CPXM1: variants seen among roughly 807,000 people sequenced by gnomAD.
The protein encoded by CPXM1 is probable carboxypeptidase X1.
Under a neutral mutation model 80.4 loss-of-function variants are expected in CPXM1, and 72 were observed. The ratio of observed to expected loss-of-function variants is 0.90; its 90% CI spans 0.74 to 1.09. CPXM1 has a LOEUF of 1.09. Among genes scored for constraint, CPXM1 ranks in the 50% least tolerant of loss-of-function variants. The pLI, the probability that CPXM1 is intolerant of heterozygous loss-of-function variation, is 0.00. For missense variants in CPXM1, 892 were observed against 999.4 expected, an observed-to-expected ratio of 0.89 and a Z score of 1.45; for synonymous variants, 403 against 405.6, an observed-to-expected ratio of 0.99 and a Z score of 0.08.
rs758834400 is a variant in CPXM1, at chr20:2,796,287, G to A, written c.1202C>T (p.Pro401Leu). ...LLSEMRIHLLPSMNPDGYEIA... is the reference protein window; with the variant it reads ...LLSEMRIHLLLSMNPDGYEIA... ...CTCATAGCCATCAGGGTTCATGGAG[G>A]GCAGCAGGTGAATGCGCATCTCAGA... Residue 401 changes from proline to leucine, a missense_variant, in exon 9 of 14, where the codon CCC (proline) becomes CTC (leucine). Around this residue, in one of 2 missense-constraint regions of CPXM1, gnomAD observed 874 missense variants for 958.4 expected, o/e 0.91. Transcript: ENST00000380605. This position sits in a 1 kb window ranked among gnomAD's most constrained non-coding sequence, Gnocchi z 6.8. The A allele has an allele frequency of 8.7e-6, 14 of 1,613,732 alleles. No homozygotes were observed. The Admixed American group carries it at 1.7e-4, about 19-fold the overall frequency.
chr20:2,796,754 A>G lies in CPXM1; in HGVS notation c.922-104T>C. 1 of 1,473,472 alleles carries G rather than the reference A, an allele frequency of 6.8e-7. No homozygotes were observed. Among genetic ancestry groups the G allele is most frequent in the Non-Finnish European group, 9.2e-7 (1 of 1,084,616 alleles). The allele number at this position is 1,473,472 out of a possible 1,614,324, so 91.3% of individuals were successfully genotyped here. A position where few individuals can be genotyped will look rare whatever the true frequency, so the allele number is the denominator to read the frequency against. Reference sequence around the variant, plus strand: ...TTAAAAAGTCAGCGATGGCCCACACAGAGGGGGCATCCCATCATGGTACAG... The same window carrying G: ...TTAAAAAGTCAGCGATGGCCCACACGGAGGGGGCATCCCATCATGGTACAG... On this transcript the variant is annotated intron_variant, in intron 7 of 13. Transcript: ENST00000380605. The surrounding 1 kb of genome is among the most constrained non-coding windows in gnomAD (Gnocchi z 6.8).
rs957254886 is a variant in CPXM1 at position 2,794,758 on chromosome 20, T to C, written c.1861-119A>G. ...CAAAGTGGTAGGTCTACTGTGTTCCTAGGTGACACTACTTCTGGAAGAAAA... is the reference window on the plus strand; with the variant it reads ...CAAAGTGGTAGGTCTACTGTGTTCCCAGGTGACACTACTTCTGGAAGAAAA... On this transcript the variant is annotated intron_variant, in intron 12 of 13. Coordinates refer to ENST00000380605, the MANE Select transcript of CPXM1 (RefSeq NM_019609.5). This position sits in a 1 kb window ranked among gnomAD's most constrained non-coding sequence, Gnocchi z 5.2. 1.3e-5 allele frequency: 9 copies of C among 677,514 alleles called. No individual in the cohort carries two copies. In the Admixed American group the frequency reaches 1.9e-4, roughly 14 times the overall value. The allele number at this position is 677,514 out of a possible 1,614,324, so 42.0% of individuals were successfully genotyped here. A position where few individuals can be genotyped will look rare whatever the true frequency, so the allele number is the denominator to read the frequency against.
Position 2,800,464 on chromosome 20 carries a change from C to T in CPXM1, c.109G>A (p.Val37Ile), listed in dbSNP as rs746644378. The part of the protein sequence containing the change: ...LGLAQPGTTK[V>I]PGSTPALHSS... ...TGCAGGGCCGGGGTCGAGCCTGGGA[C>T]CTTGGTGGTCCCGGGCTGCGCGAGG... Residue 37 changes from valine to isoleucine, a missense_variant, in exon 1 of 14, where the codon GTC becomes ATC. This residue lies in a region of CPXM1 where 874 missense variants were observed against 958.4 expected (regional missense o/e 0.91). Transcript: ENST00000380605. The T allele has an allele frequency of 5.4e-6, 8 of 1,473,846 alleles. No individual in the cohort carries two copies. In the South Asian group the frequency reaches 9.1e-5, roughly 17 times the overall value. The allele number at this position is 1,473,846 out of a possible 1,614,324, so 91.3% of individuals were successfully genotyped here. A position where few individuals can be genotyped will look rare whatever the true frequency, so the allele number is the denominator to read the frequency against.
At chr20:2,799,811 C>G (rs950431929) in intron 1 of CPXM1, among the ~76,000 whole-genome samples, 3 of 152,220 alleles carry the variant, frequency 2.0e-5, no homozygotes, top group Non-Finnish European at 4.4e-5. Flanking sequence ...GGGGCTCTCC[C>G]TTCTTTCCTT....
rs1344278088 is a variant in CPXM1 at position 2,795,053 on chromosome 20, C to A, written c.1860+224G>T. ...GCGCCACGGACCACCACCTAGACTG[C>A]AATGGAGGCTCCTCCCACCGGCTCT... On this transcript the variant is annotated intron_variant, in intron 12 of 13. Transcript: ENST00000380605. The surrounding 1 kb of genome is among the most constrained non-coding windows in gnomAD (Gnocchi z 5.4). Among the ~76,000 whole-genome samples the A allele has an allele frequency of 1.3e-5, 2 of 152,104 alleles. No individual in the cohort carries two copies. The highest frequency in any genetic ancestry group is 2.9e-5 in the Non-Finnish European group (2 of 68,018).
At position 2,795,391 on chromosome 20, in the gene CPXM1, G is replaced by A; in HGVS notation, c.1746C>T (p.His582=). ...CCACAGTGACCTCAAAGCAGTTGGT[G>A]TGTAGGTAGCTGAAGTCATTCATGC... is the stretch of plus-strand genomic sequence containing the variant. ...PGSMNDFSYL[H]TNCFEVTVEL... Residue 582 remains histidine, a synonymous_variant, in exon 12 of 14, where the codon CAC becomes CAT. Transcript: ENST00000380605. This position sits in a 1 kb window ranked among gnomAD's most constrained non-coding sequence, Gnocchi z 5.4. 1 of 1,614,178 alleles carries A rather than the reference G, an allele frequency of 6.2e-7. No individual in the cohort carries two copies. Among genetic ancestry groups the A allele is most frequent in the East Asian group, 2.2e-5 (1 of 44,886 alleles).
Position 2,800,577 on chromosome 20 carries a change from G to T in CPXM1, c.-5C>A. 1 of 1,335,676 alleles carries T rather than the reference G, an allele frequency of 7.5e-7. No homozygotes were observed. The highest frequency in any genetic ancestry group is 1.9e-5 in the South Asian group (1 of 52,548). The allele number at this position is 1,335,676 out of a possible 1,614,324, so 82.7% of individuals were successfully genotyped here. On this transcript the variant is annotated 5_prime_UTR_variant, in exon 1 of 14. Transcript: ENST00000380605. ...GGCGAGCAGGAGCCCCCACATGGCG[G>T]GGATTGAGTGCCAGGGGCGCGCGGG... is the stretch of plus-strand genomic sequence containing the variant.
rs921680515 is a variant in CPXM1 at position 2,800,559 on chromosome 20, A to G, written c.14T>C (p.Leu5Pro). MWGL[L>P]LALAAFAPAV... Reference sequence around the variant, plus strand: ...CGGCGCGAAGGCGGCCAGGGCGAGCAGGAGCCCCCACATGGCGGGGATTGA... The same window carrying G: ...CGGCGCGAAGGCGGCCAGGGCGAGCGGGAGCCCCCACATGGCGGGGATTGA... Residue 5 changes from leucine to proline, a missense_variant, in exon 1 of 14, where the codon CTG (leucine) becomes CCG (proline). Coordinates refer to ENST00000380605, the MANE Select transcript of CPXM1 (RefSeq NM_019609.5). 4 of 1,343,204 alleles carry G rather than the reference A, an allele frequency of 3.0e-6. No homozygotes were observed. The African/African-American group carries it at 6.2e-5, about 21-fold the overall frequency. 83.2% of individuals were successfully genotyped at this position (1,343,204 alleles called of 1,614,324 possible).
intron 1 of CPXM1, among the ~76,000 whole-genome samples, chr20:2,800,139 GCGCA>G (rs1471073088): frequency 2.4e-5 from 3 of 126,394 alleles, no homozygotes; most frequent in Non-Finnish European, 3.6e-5. Flanking sequence ...CTGTGTGTGC[GCGCA>G]CGCGCGTGTG....
chr20:2,797,899 C>T, intron 5 of CPXM1, 69 bp downstream of exon 5: 2 of 1,405,502 alleles, frequency 1.4e-6, no homozygotes, highest in Non-Finnish European at 1.0e-6. Context: ...CTCAGAGGAG[C>T]CTCAGCCTAG....
chr20:2,798,997 AC>A (rs2088540632), intron 1 of CPXM1, 104 bp from the exon 2 acceptor site: 2 of 1,188,144 alleles, frequency 1.7e-6, no homozygotes, highest in African/African-American at 1.5e-5. Flanking sequence ...AGCAGGCCAC[AC>A]CACCAGGATC....
At position 2,798,135 on chromosome 20, in the gene CPXM1, G is replaced by C. The variant is rs199973883; in HGVS notation, c.590+17C>G. On this transcript the variant is annotated intron_variant, in intron 4 of 13. Coordinates refer to ENST00000380605, the MANE Select transcript of CPXM1 (RefSeq NM_019609.5). The stretch of plus-strand genomic sequence containing the variant: ...AGTCCTTCTGTGACCTCCTGACCTA[G>C]GGTTAGTCTGCCTCACCTCCAGACA... 7.4e-6 allele frequency: 12 copies of C among 1,613,820 alleles called. No individual in the cohort carries two copies. The highest frequency in any genetic ancestry group is 1.0e-5 in the Non-Finnish European group (12 of 1,179,872).
intron 1 of CPXM1, among the ~76,000 whole-genome samples, chr20:2,799,890 T>C (rs927431586): frequency 2.4e-4 from 36 of 152,212 alleles, no homozygotes; most frequent in African/African-American, 6.0e-4. Context: ...CCTTGAGAGC[T>C]TCTGCCCCTC....
At position 2,795,692 on chromosome 20, in the gene CPXM1, T is replaced by C. The variant is rs778615093; in HGVS notation, c.1627A>G (p.Met543Val). The C allele has an allele frequency of 1.2e-5, 19 of 1,613,912 alleles. No homozygotes were observed. The highest frequency in any genetic ancestry group is 1.5e-5 in the Non-Finnish European group (18 of 1,180,024). Reference sequence around the variant, plus strand: ...CAGGGTCGGCGGCTGGTGTCCTGCATGGCCAGATTACTGCCAGCATAGACA... The same window carrying C: ...CAGGGTCGGCGGCTGGTGTCCTGCACGGCCAGATTACTGCCAGCATAGACA... ...STVYAGSNLA[M>V]QDTSRRPCHS... The change falls in exon 11 of 14, where the codon ATG becomes GTG. Residue 543 changes from methionine to valine, a missense_variant. By Grantham distance (21) the Met-to-Val change is conservative. This residue lies in a region of CPXM1 where 874 missense variants were observed against 958.4 expected (regional missense o/e 0.91). Transcript: ENST00000380605. This position sits in a 1 kb window ranked among gnomAD's most constrained non-coding sequence, Gnocchi z 5.4.
intron 1 of CPXM1, among the ~76,000 whole-genome samples, chr20:2,799,763 T>C (rs1218305886): frequency 6.6e-6 from 1 of 152,202 alleles, no homozygotes; most frequent in Non-Finnish European, 1.5e-5. Flanking sequence ...GCTGCCTTCC[T>C]CTCCCGCTCT....
In CPXM1 at chr20:2,795,750, T is replaced by G; in HGVS notation, c.1569A>C (p.Thr523=). The part of the protein sequence containing the change: ...TPWAARELTP[T]PDDAVFRWLS... Reference sequence around the variant, plus strand: ...GCCAGCGAAACACAGCATCATCTGGTGTGGGCGTGAGCTCGCGGGCAGCCC... The same window carrying G: ...GCCAGCGAAACACAGCATCATCTGGGGTGGGCGTGAGCTCGCGGGCAGCCC... The change falls in exon 11 of 14, where the codon ACA becomes ACC. Residue 523 remains threonine, a synonymous_variant. Coordinates refer to ENST00000380605, the MANE Select transcript of CPXM1 (RefSeq NM_019609.5). The surrounding 1 kb of genome is among the most constrained non-coding windows in gnomAD (Gnocchi z 5.4). 1 of 1,613,770 alleles carries G rather than the reference T, an allele frequency of 6.2e-7. No homozygotes were observed. The highest frequency in any genetic ancestry group is 8.5e-7 in the Non-Finnish European group (1 of 1,180,026).
In CPXM1 at chr20:2,796,343, C is replaced by G; in HGVS notation, c.1146G>C (p.Leu382=). The change falls in exon 9 of 14, where the codon CTG becomes CTC. Residue 382 remains leucine (L), a synonymous_variant. Transcript: ENST00000380605. The surrounding 1 kb of genome is among the most constrained non-coding windows in gnomAD (Gnocchi z 6.8). ...GCCGGGTCACCCGTGGGTTCCCTCGCAGGAACTCATGGCACAGGAACTGCA... is the reference window on the plus strand; with the variant it reads ...GCCGGGTCACCCGTGGGTTCCCTCGGAGGAACTCATGGCACAGGAACTGCA... ...LLMQFLCHEF[L]RGNPRVTRLL... The G allele has an allele frequency of 6.2e-7, 1 of 1,614,080 alleles. No homozygotes were observed. The highest frequency in any genetic ancestry group is 8.5e-7 in the Non-Finnish European group (1 of 1,179,998).
chr20:2,798,812 G>C lies in CPXM1; in HGVS notation c.254C>G (p.Thr85Ser), dbSNP rs148226006. The part of the protein sequence containing the change: ...IMKKRKKLTL[T>S]RPTPLVTAGP... ...GGCAGTCACCAGTGGGGTGGGGCGAGTTAGAGTTAGCTTCTTCCGCTTCTT... is the reference window on the plus strand; with the variant it reads ...GGCAGTCACCAGTGGGGTGGGGCGACTTAGAGTTAGCTTCTTCCGCTTCTT... The change falls in exon 2 of 14, where the codon ACT becomes AGT. Residue 85 changes from threonine (T) to serine (S), a missense_variant. By Grantham distance (58) the Thr-to-Ser change is moderately conservative (BLOSUM62 1). Around this residue, in one of 2 missense-constraint regions of CPXM1, gnomAD observed 874 missense variants for 958.4 expected, o/e 0.91. Coordinates refer to ENST00000380605, the MANE Select transcript of CPXM1 (RefSeq NM_019609.5). The C allele has an allele frequency of 1.9e-5, 30 of 1,613,962 alleles. No individual in the cohort carries two copies. The highest frequency in any genetic ancestry group is 2.2e-5 in the Non-Finnish European group (26 of 1,179,974).
chr20:2,798,594 G>T, intron 2 of CPXM1, 57 bp from the exon 3 acceptor site: 1 of 1,563,808 alleles, frequency 6.4e-7, no homozygotes, highest in Non-Finnish European at 8.8e-7. Context: ...CAGGGCAGGT[G>T]GGAAGCTGAG....
Sources: gnomAD v4.1 joint callset for allele counts (sites outside exome capture counted in the v4.1 genomes callset) on GRCh38, gnomAD v4.1.1 for gene constraint, gnomAD v4.1.1 regional missense constraint, Gnocchi (gnomAD v3.1) non-coding constraint, MANE v1.5 for transcripts, NCBI Gene and HGNC (gene_info 2026-07-23, HGNC 2026-07-21) for gene names.